The following SEC14L3 variants were observed in gnomAD, a reference collection of about 807,000 sequenced individuals.
SEC14L3 encodes the protein SEC14-like protein 3.
Under a neutral mutation model 57.4 loss-of-function variants are expected in SEC14L3, and 56 were observed. That is an observed-to-expected ratio of 0.97 (90% CI 0.79 to 1.22). The LOEUF (loss-of-function observed/expected upper bound fraction) is 1.22, where lower values mean the gene tolerates loss of function less well. Among genes scored for constraint, SEC14L3 ranks in the 50% most tolerant of loss-of-function variants. The pLI is 0.00. For missense variants in SEC14L3, 485 were observed against 511.7 expected (o/e 0.95, Z 0.50); for synonymous variants, 173 against 194.4 (o/e 0.89, Z 0.92).
chr22:30,455,920 T>TG (rs1209426599), downstream of SEC14L3, among the ~76,000 whole-genome samples: 1 of 152,166 alleles, frequency 6.6e-6, no homozygotes, highest in Non-Finnish European at 1.5e-5. Context: ...TCTCACACAA[T>TG]GGGGGGCCTG....
In SEC14L3 at chr22:30,470,557, A is replaced by G; in HGVS notation, c.80T>C (p.Leu27Pro). The G allele has an allele frequency of 6.2e-7, 1 of 1,614,162 alleles. No individual in the cohort carries two copies. The highest frequency in any genetic ancestry group is 1.3e-5 in the African/African-American group (1 of 75,056). ...ATCATCAGGGTTGGGCAGGGCAGGA[A>G]GCACATCCTGGACGTTTTCTCGGAA... ...AKFRENVQDV[L>P]PALPNPDDYF... is the part of the protein sequence containing the mutation. The change falls in exon 2 of 12, where the codon CTT becomes CCT. Residue 27 changes from leucine to proline, a missense_variant. Transcript: ENST00000215812.
chr22:30,452,929 G>A (rs2146084736), intron 12 of SEC14L3, among the ~76,000 whole-genome samples: 1 of 152,014 alleles, frequency 6.6e-6, no homozygotes, highest in Admixed American at 6.6e-5. Context: ...CGTTGCTCAG[G>A]TTGGTCTCGA....
chr22:30,455,145 T>TATATATATTTAATATTTA (rs1935093920), downstream of SEC14L3, among the ~76,000 whole-genome samples: 2 of 50,504 alleles, frequency 4.0e-5, no homozygotes, highest in Admixed American at 3.4e-4. Context: ...TAATATTTAA[T>TATATATATTTAATATTTA]ATATATTATA....
intron 1 of SEC14L3, among the ~76,000 whole-genome samples, chr22:30,471,687 G>A (rs1213897820): frequency 6.6e-6 from 1 of 152,200 alleles, no homozygotes; most frequent in Non-Finnish European, 1.5e-5. Context: ...CACCACCCAC[G>A]TTATTGCCTG....
At chr22:30,461,232 C>A (rs1179947612) in intron 11 of SEC14L3, 78 bp downstream of exon 11, 1 of 1,501,380 alleles carries the variant, frequency 6.7e-7, no homozygotes, top group Non-Finnish European at 8.9e-7. Flanking sequence ...GTGTCACTGC[C>A]CCTCTGTTTC....
intron 1 of SEC14L3, among the ~76,000 whole-genome samples, chr22:30,471,689 T>C (rs1030574689): frequency 6.6e-6 from 1 of 152,168 alleles, no homozygotes; most frequent in Non-Finnish European, 1.5e-5. Context: ...CCACCCACGT[T>C]ATTGCCTGGA....
intron 12 of SEC14L3, among the ~76,000 whole-genome samples, chr22:30,449,718 C>T (rs1232111275): frequency 1.3e-5 from 2 of 152,116 alleles, no homozygotes; most frequent in Non-Finnish European, 2.9e-5. Flanking sequence ...GCTTGCACCA[C>T]CATGCCCAAC....
At chr22:30,468,861 A>G in intron 4 of SEC14L3, 165 bp from the exon 5 acceptor site, 1 of 1,550,822 alleles carries the variant, frequency 6.4e-7, no homozygotes, top group Non-Finnish European at 8.7e-7. Flanking sequence ...GAGGTCCTGC[A>G]GGGGAGGGCC....
At chr22:30,471,867 C>A in intron 1 of SEC14L3, 38 bp downstream of exon 1, 1 of 1,613,318 alleles carries the variant, frequency 6.2e-7, no homozygotes, top group Non-Finnish European at 8.5e-7. Context: ...AGCCCCTTTC[C>A]CCTGGTCTTC....
downstream of SEC14L3, among the ~76,000 whole-genome samples, chr22:30,455,074 A>G (rs867368597): frequency 1.6e-5 from 1 of 62,234 alleles, no homozygotes; most frequent in African/African-American, 7.9e-5. Context: ...TATAATATAT[A>G]ATATATTAAA....
downstream of SEC14L3, among the ~76,000 whole-genome samples, chr22:30,455,020 TATATA>T (rs1483001892): frequency 1.5e-4 from 11 of 74,788 alleles, no homozygotes; most frequent in Admixed American, 2.4e-4. Context: ...TAATATATTA[TATATA>T]ATATATTATA....
At chr22:30,462,883 CCCA>C (rs2146107445) in intron 8 of SEC14L3, among the ~76,000 whole-genome samples, 1 of 152,084 alleles carries the variant, frequency 6.6e-6, no homozygotes, top group South Asian at 2.1e-4. Context: ...ATTACAGGTG[CCCA>C]CCACCATGAC....
intron 4 of SEC14L3, chr22:30,469,049 G>A (rs1935519565): frequency 7.2e-6 from 8 of 1,107,704 alleles, no homozygotes; most frequent in Non-Finnish European, 9.6e-6. Flanking sequence ...TGGGCATGGA[G>A]GCTCATGCCT....
At chr22:30,467,405 A>C (rs17659494) in intron 5 of SEC14L3, among the ~76,000 whole-genome samples, 10,756 of 152,234 alleles carry the variant, frequency 0.071, 429 homozygotes, top group East Asian at 0.086. Context: ...CATAATATAA[A>C]TATAAACTGA....
chr22:30,450,942 G>A (rs1934968620), intron 12 of SEC14L3, among the ~76,000 whole-genome samples: 1 of 152,266 alleles, frequency 6.6e-6, no homozygotes, highest in Non-Finnish European at 1.5e-5. Context: ...TGGTGGCCAT[G>A]CTGGGATTGG....
downstream of SEC14L3, among the ~76,000 whole-genome samples, chr22:30,457,686 CTTTT>C (rs61332192): frequency 4.8e-5 from 7 of 146,134 alleles, no homozygotes; most frequent in Non-Finnish European, 1.1e-4. Flanking sequence ...CCTGGCCATG[CTTTT>C]TTTTTTTTTT....
rs1601817098 is a variant in SEC14L3 at position 30,461,438 on chromosome 22, A to C, written c.953T>G (p.Val318Gly). Residue 318 changes from valine to glycine, a missense_variant, in exon 11 of 12, where the codon GTT (valine) becomes GGT (glycine). Physicochemically the swap from Val to Gly is moderately radical, Grantham distance 109 (BLOSUM62 -3). Coordinates refer to ENST00000215812, the MANE Select transcript of SEC14L3 (RefSeq NM_174975.5). ...SSDGADIGFG[V>G]FLKTKMGERQ... is the part of the protein sequence containing the mutation. ...CTCCCCCATCTTGGTCTTCAGGAAA[A>C]CTCCGAAGCCGATGTCCGCACCATC... The C allele has an allele frequency of 1.2e-6, 2 of 1,613,388 alleles. No individual in the cohort carries two copies. Among genetic ancestry groups the C allele is most frequent in the East Asian group, 4.5e-5 (2 of 44,848 alleles).
exon 13 of SEC14L3, chr22:30,448,146 C>T (rs1289360674): frequency 2.0e-5 from 3 of 152,156 alleles, no homozygotes; most frequent in African/African-American, 7.3e-5. Context: ...ATAACCACCA[C>T]CCCAGGCCTG....
chr22:30,454,018 C>T (rs1935035341), intron 12 of SEC14L3, among the ~76,000 whole-genome samples: 2 of 152,110 alleles, frequency 1.3e-5, no homozygotes, highest in South Asian at 4.1e-4. Flanking sequence ...TCTTACTGTT[C>T]TTTCTGGTCT....
Sources: allele counts gnomAD v4.1 joint callset (sites outside exome capture counted in the v4.1 genomes callset), GRCh38; gene constraint gnomAD v4.1.1; transcripts MANE v1.5; gene names NCBI Gene and HGNC (gene_info 2026-07-23, HGNC 2026-07-21).